The following TENM1 variants were observed in gnomAD, a reference collection of about 807,000 sequenced individuals.
TENM1 encodes teneurin-1.
A neutral mutation model predicts 174.8 loss-of-function variants in TENM1; 35 were observed. That is an observed-to-expected ratio of 0.20 (90% CI 0.15 to 0.27). The LOEUF (loss-of-function observed/expected upper bound fraction) is 0.27, where lower values mean the gene tolerates loss of function less well. Among genes scored for constraint, TENM1 ranks in the 10% least tolerant of loss-of-function variants. The pLI is 1.00. For synonymous variants in TENM1, 781 were observed against 798.7 expected (o/e 0.98, Z 0.37); for missense variants, 1,633 against 2,130.1 (o/e 0.77, Z 4.59).
chrX:124,994,949 G>A, the TENM1 span, among the ~76,000 whole-genome samples: 5 of 110,865 alleles, frequency 4.5e-5, no homozygotes, highest in East Asian at 2.8e-4. Flanking sequence ...TTTAATGTTC[G>A]TAAAGGCCCT....
intron 20 of TENM1, among the ~76,000 whole-genome samples, chrX:124,494,603 C>T (rs1442727832): frequency 1.8e-5 from 2 of 109,429 alleles, no homozygotes; most frequent in Admixed American, 2.0e-4. Flanking sequence ...TGCTGGTGCG[C>T]TGCACCCACT....
At chrX:125,169,365 G>C in the TENM1 span, among the ~76,000 whole-genome samples, 1 of 111,238 alleles carries the variant, frequency 9.0e-6, no homozygotes, top group Non-Finnish European at 1.9e-5. Context: ...CAATAATGTA[G>C]GATGAAAAAA....
intron 4 of TENM1, 120 bp downstream of exon 7, chrX:124,736,837 G>A: frequency 2.1e-6 from 2 of 950,742 alleles, no homozygotes; most frequent in Non-Finnish European, 2.8e-6. Context: ...ATCTGGGTGT[G>A]TATCGGTTTG....
At chrX:124,679,243 C>T (rs1344050671) in intron 5 of TENM1, among the ~76,000 whole-genome samples, 5 of 112,375 alleles carry the variant, frequency 4.4e-5, no homozygotes, top group African/African-American at 1.6e-4. Flanking sequence ...CTTTGTTTTC[C>T]CTTTTTGTCA....
At chrX:124,753,733 TTTA>T (rs1353706104) in intron 3 of TENM1, among the ~76,000 whole-genome samples, 3 of 111,929 alleles carry the variant, frequency 2.7e-5, no homozygotes, top group Non-Finnish European at 3.8e-5. Context: ...CTTTTCTGCA[TTTA>T]TTGAGATAAT....
At chrX:124,912,770 C>T (rs761625473) in intron 1 of TENM1, among the ~76,000 whole-genome samples, 15 of 111,447 alleles carry the variant, frequency 1.3e-4, no homozygotes, top group Admixed American at 4.8e-4. Flanking sequence ...AGTCCACTTG[C>T]GAACAGTTTG....
intron 1 of TENM1, among the ~76,000 whole-genome samples, chrX:124,956,836 G>A (rs978110114): frequency 1.8e-5 from 2 of 112,373 alleles, no homozygotes; most frequent in African/African-American, 3.2e-5. Context: ...TCTTTGCCAT[G>A]TAAATACAGA....
exon 24 of TENM1, chrX:124,422,465 T>C (rs1487283805): frequency 1.7e-6 from 2 of 1,209,410 alleles, no homozygotes; most frequent in East Asian, 5.9e-5. Context: ...AGTGAATTGC[T>C]ACCTTGCTGA....
chrX:124,571,657 A>G (rs1215470959), intron 11 of TENM1, among the ~76,000 whole-genome samples: 1 of 112,177 alleles, frequency 8.9e-6, no homozygotes, highest in Non-Finnish European at 1.9e-5. Flanking sequence ...TCAAAAATAA[A>G]TTAGAGACTG....
intron 22 of TENM1, among the ~76,000 whole-genome samples, chrX:124,455,668 G>A (rs189745523): frequency 1.8e-5 from 2 of 111,292 alleles, no homozygotes; most frequent in Non-Finnish European, 1.9e-5. Context: ...TTACTAAATC[G>A]TAGTGAATGT....
chrX:124,682,984 T>G (rs1255582846), intron 5 of TENM1, among the ~76,000 whole-genome samples: 1 of 111,642 alleles, frequency 9.0e-6, no homozygotes, highest in Non-Finnish European at 1.9e-5. Flanking sequence ...TTGTGACAAA[T>G]GTACCATGGT....
the TENM1 span, among the ~76,000 whole-genome samples, chrX:125,014,948 G>A: frequency 2.7e-5 from 3 of 111,343 alleles, no homozygotes; most frequent in African/African-American, 6.5e-5. Flanking sequence ...AAGGTGGAAG[G>A]CTTGGTCCCA....
chrX:124,421,377 C>T (rs759719124), intron 24 of TENM1, among the ~76,000 whole-genome samples: 4 of 111,988 alleles, frequency 3.6e-5, no homozygotes, highest in Non-Finnish European at 7.5e-5. Context: ...AACTAATTGT[C>T]GAAGAAAACA....
chrX:124,606,619 T>C (rs1300052936), intron 11 of TENM1, among the ~76,000 whole-genome samples: 3 of 111,254 alleles, frequency 2.7e-5, no homozygotes, highest in African/African-American at 9.8e-5. Context: ...TCATGAATGT[T>C]TCAGCTGCTA....
chrX:125,005,410 TGTGTG>T, the TENM1 span, among the ~76,000 whole-genome samples: 1 of 60,173 alleles, frequency 1.7e-5, no homozygotes, highest in East Asian at 3.6e-4. Flanking sequence ...GACTTGGTTG[TGTGTG>T]TGTGTGTGTG....
intron 1 of TENM1, among the ~76,000 whole-genome samples, chrX:124,914,527 C>T (rs935941962): frequency 8.9e-5 from 10 of 111,815 alleles, no homozygotes; most frequent in Non-Finnish European, 1.7e-4. Context: ...ATTTAAAAGA[C>T]GCCTTACATT....
At chrX:124,931,099 G>A (rs754347119) in intron 1 of TENM1, among the ~76,000 whole-genome samples, 10 of 108,375 alleles carry the variant, frequency 9.2e-5, no homozygotes, top group African/African-American at 3.6e-4. Flanking sequence ...GAAACCCAAC[G>A]CTGTCAGAGA....
intron 1 of TENM1, among the ~76,000 whole-genome samples, chrX:124,917,125 A>C (rs1457506612): frequency 9.0e-6 from 1 of 111,569 alleles, no homozygotes; most frequent in Non-Finnish European, 1.9e-5. Context: ...CCTTTTAGTT[A>C]GCTAGGCTGT....
chrX:124,750,061 A>G (rs2054025527), intron 3 of TENM1, among the ~76,000 whole-genome samples: 1 of 112,114 alleles, frequency 8.9e-6, no homozygotes, highest in Non-Finnish European at 1.9e-5. Flanking sequence ...TGACTTACAT[A>G]TATTCACATT....
Sources: gnomAD v4.1 joint callset for allele counts (sites outside exome capture counted in the v4.1 genomes callset) on GRCh38, gnomAD v4.1.1 for gene constraint, MANE v1.5 for transcripts, NCBI Gene and HGNC (gene_info 2026-07-23, HGNC 2026-07-21) for gene names.